HCFC2: variants seen among roughly 807,000 people sequenced by gnomAD.
The protein encoded by HCFC2 is host cell factor 2.
Under a neutral mutation model 89.2 loss-of-function variants are expected in HCFC2, and 18 were observed. The ratio of observed to expected loss-of-function variants is 0.20; its 90% CI spans 0.14 to 0.30. The LOEUF is 0.30. HCFC2 is among the 10% of genes least tolerant of loss of function. The pLI is 1.00. For missense variants in HCFC2, 578 were observed against 956.1 expected (o/e 0.60, Z 5.21); for synonymous variants, 308 against 335.7 (o/e 0.92, Z 0.90).
intron 3 of HCFC2, among the ~76,000 whole-genome samples, chr12:104,072,768 G>C (rs1472807565): frequency 2.0e-5 from 3 of 151,000 alleles, no homozygotes; most frequent in Non-Finnish European, 4.4e-5. Context: ...TCAGCCTCCC[G>C]AGTAGCTGGG....
At chr12:104,077,022 A>G (rs1251085112) in intron 3 of HCFC2, among the ~76,000 whole-genome samples, 1 of 152,012 alleles carries the variant, frequency 6.6e-6, no homozygotes, top group African/African-American at 2.4e-5. Context: ...CTGTGTGTAT[A>G]TATATATGTT....
chr12:104,086,043 GC>G (rs1883830055), intron 7 of HCFC2, among the ~76,000 whole-genome samples: 1 of 147,302 alleles, frequency 6.8e-6, no homozygotes, highest in South Asian at 2.2e-4. Flanking sequence ...TGCCGCCCAG[GC>G]TGGAGTGCAG....
At chr12:104,099,176 C>A (rs931768788) in intron 13 of HCFC2, among the ~76,000 whole-genome samples, 1 of 151,952 alleles carries the variant, frequency 6.6e-6, no homozygotes, top group Non-Finnish European at 1.5e-5. Flanking sequence ...AGGAGCAATG[C>A]GTGGAGTGGG....
chr12:104,087,352 TA>T (rs67436445), intron 8 of HCFC2, among the ~76,000 whole-genome samples: 105,917 of 129,034 alleles, frequency 0.82, 43,424 homozygotes, highest in South Asian at 0.86. Flanking sequence ...GACTCTGTCT[TA>T]AAAAAAAAAA....
In HCFC2 at chr12:104,086,989, T is replaced by G. The variant is rs1363149779; in HGVS notation, c.1206T>G (p.Asp402Glu). The G allele has an allele frequency of 4.3e-6, 7 of 1,613,764 alleles. No individual in the cohort carries two copies. The Admixed American group carries it at 1.0e-4, about 23-fold the overall frequency. The change falls in exon 8 of 15, where the codon GAT (aspartate) becomes GAG (glutamate). Residue 402 changes from aspartate (D) to glutamate (E), a missense_variant. Asp to Glu is a conservative substitution (Grantham distance 45). Transcript: ENST00000229330. ...TDLPYQAASS[D>E]SSAAPNMQGV... ...TGCCATACCAAGCTGCATCATCAGA[T>G]TCTTCAGCAGCACCAAATATGCAAG...
chr12:104,102,915 G>T, intron 14 of HCFC2, 44 bp from the exon 15 acceptor site: 1 of 1,487,688 alleles, frequency 6.7e-7, no homozygotes, highest in East Asian at 2.3e-5. Context: ...GATAACAGAG[G>T]AAACTTAAGA....
rs569215441 is a variant in HCFC2 at position 104,096,400 on chromosome 12, T to G, written c.1707T>G (p.Arg569=). The G allele has an allele frequency of 1.9e-6, 3 of 1,609,168 alleles. No individual in the cohort carries two copies. In the East Asian group the frequency reaches 6.7e-5, roughly 36 times the overall value. Residue 569 remains arginine (R), a synonymous_variant, in exon 12 of 15, where the codon CGT becomes CGG. Coordinates refer to ENST00000229330, the MANE Select transcript of HCFC2 (RefSeq NM_013320.3). ...TYALPATKIS[R]VETHATATPF... is the part of the protein sequence containing the mutation. ...CACTGCCTGCAACGAAGATCAGCCGTGTAGAGACACATGCTACAGCAACGC... is the reference window on the plus strand; with the variant it reads ...CACTGCCTGCAACGAAGATCAGCCGGGTAGAGACACATGCTACAGCAACGC...
In HCFC2 at chr12:104,085,920, AT is replaced by A. The variant is rs1237496666; in HGVS notation, c.1064-917del. Among the ~76,000 whole-genome samples the A allele has an allele frequency of 5.6e-5, 7 of 125,388 alleles. No individual in the cohort carries two copies. In the South Asian group the frequency reaches 7.7e-4, roughly 14 times the overall value. The allele number at this position is 125,388 out of a possible 152,430, so 82.3% of individuals were successfully genotyped here. A position where few individuals can be genotyped will look rare whatever the true frequency, so the allele number is the denominator to read the frequency against. On this transcript the variant is annotated intron_variant, in intron 7 of 14. Transcript: ENST00000229330. ...CATGCATATATTGTTACTTTGATGT[AT>A]TTTTTTTTTCATTTAGGCAATAATG... is the stretch of plus-strand genomic sequence containing the variant.
chr12:104,104,557 G>A lies in HCFC2; in HGVS notation c.*1284G>A, dbSNP rs186802610. On this transcript the variant is annotated 3_prime_UTR_variant, in exon 15 of 15. Transcript: ENST00000229330. ...CTTTTTTTATACCACATAACCTTAT[G>A]CCAGTTTAGGTTGACTGAGTAGCTA... 1.2e-4 allele frequency: 19 copies of A among 152,010 alleles called. No individual in the cohort carries two copies. In the East Asian group the frequency reaches 3.5e-3, roughly 28 times the overall value. 9.4% of individuals were successfully genotyped at this position (152,010 alleles called of 1,614,324 possible). A position where few individuals can be genotyped will look rare whatever the true frequency, so the allele number is the denominator to read the frequency against.
At chr12:104,076,976 T>C (rs946754858) in intron 3 of HCFC2, among the ~76,000 whole-genome samples, 1 of 152,172 alleles carries the variant, frequency 6.6e-6, no homozygotes, top group Non-Finnish European at 1.5e-5. Flanking sequence ...ATATGTGTGT[T>C]CGTGTACGTG....
intron 9 of HCFC2, among the ~76,000 whole-genome samples, chr12:104,088,766 T>C (rs1170566238): frequency 6.6e-6 from 1 of 152,132 alleles, no homozygotes; most frequent in Non-Finnish European, 1.5e-5. Flanking sequence ...GCTCATACAG[T>C]TTGTAAGTAG....
chr12:104,086,619 AAAATAAATAAATAAAT>A lies in HCFC2; in HGVS notation c.1064-206_1064-191del, dbSNP rs58372181. On this transcript the variant is annotated intron_variant, in intron 7 of 14. Transcript: ENST00000229330. ...TTGTTTATAGATATATTTGTCTAAG[AAAATAAATAAATAAAT>A]AAATAAATAAATAAATAAATAGAAT... is the stretch of plus-strand genomic sequence containing the variant. Among the ~76,000 whole-genome samples, 60 of 146,558 alleles carry A rather than the reference AAAATAAATAAATAAAT, an allele frequency of 4.1e-4. 1 individual carries two copies. The South Asian group carries it at 9.8e-3, about 24-fold the overall frequency.
At chr12:104,092,509 A>T (rs1884050307) in intron 9 of HCFC2, among the ~76,000 whole-genome samples, 1 of 151,578 alleles carries the variant, frequency 6.6e-6, no homozygotes, top group Non-Finnish European at 1.5e-5. Flanking sequence ...GCTGTGGCTC[A>T]CTCCTGTAAT....
chr12:104,089,387 G>T (rs371206228), intron 9 of HCFC2, among the ~76,000 whole-genome samples: 4 of 152,070 alleles, frequency 2.6e-5, no homozygotes, highest in African/African-American at 9.7e-5. Flanking sequence ...ATGGTGGCGG[G>T]TGCCTGTAGT....
In HCFC2 at chr12:104,103,058, C is replaced by A. The variant is rs1398547370; in HGVS notation, c.2164C>A (p.Gln722Lys). The A allele has an allele frequency of 2.5e-6, 4 of 1,613,950 alleles. No homozygotes were observed. Among genetic ancestry groups the A allele is most frequent in the Non-Finnish European group, 2.5e-6 (3 of 1,179,916 alleles). ...AYLAIRTAQI[Q>K]DNPSQLVFMR... ...CTTGGCTATCCGCACAGCACAGATA[C>A]AAGATAATCCAAGTCAACTTGTGTT... The change falls in exon 15 of 15, where the codon CAA becomes AAA. Residue 722 changes from glutamine to lysine, a missense_variant. Gln to Lys is a moderately conservative substitution (Grantham distance 53, BLOSUM62 1). Around this residue, in one of 4 missense-constraint regions of HCFC2, gnomAD observed 140 missense variants for 266.4 expected, o/e 0.53. Coordinates refer to ENST00000229330, the MANE Select transcript of HCFC2 (RefSeq NM_013320.3).
In HCFC2 at chr12:104,103,710, A is replaced by G. The variant is rs1426055023; in HGVS notation, c.*437A>G. 6.4e-6 allele frequency: 1 copy of G among 156,078 alleles called. No individual in the cohort carries two copies. Among genetic ancestry groups the G allele is most frequent in the Non-Finnish European group, 1.4e-5 (1 of 70,514 alleles). 9.7% of individuals were successfully genotyped at this position (156,078 alleles called of 1,614,324 possible). On this transcript the variant is annotated 3_prime_UTR_variant, in exon 15 of 15. Coordinates refer to ENST00000229330, the MANE Select transcript of HCFC2 (RefSeq NM_013320.3). Reference sequence around the variant, plus strand: ...AGTACTCCTTCTATCTTTATTCTATATGAGCAGTGTTCCTCTAACAACTGT... The same window carrying G: ...AGTACTCCTTCTATCTTTATTCTATGTGAGCAGTGTTCCTCTAACAACTGT...
chr12:104,092,044 C>CA (rs1218213561), intron 9 of HCFC2, among the ~76,000 whole-genome samples: 5 of 151,988 alleles, frequency 3.3e-5, no homozygotes, highest in Non-Finnish European at 5.9e-5. Flanking sequence ...AGAACAGTAA[C>CA]AAAAAACAGG....
intron 7 of HCFC2, among the ~76,000 whole-genome samples, chr12:104,084,335 GT>G (rs1335492130): frequency 6.6e-6 from 1 of 152,142 alleles, no homozygotes; most frequent in South Asian, 2.1e-4. Context: ...CTGCTTCAGG[GT>G]GGGTAGTCAA....
Position 104,102,973 on chromosome 12 carries a change from C to G in HCFC2, c.2079C>G (p.Ile693Met). The G allele has an allele frequency of 6.3e-7, 1 of 1,596,386 alleles. No homozygotes were observed. Among genetic ancestry groups the G allele is most frequent in the Non-Finnish European group, 8.6e-7 (1 of 1,169,328 alleles). The change falls in exon 15 of 15, where the codon ATC becomes ATG. Residue 693 changes from isoleucine (I) to methionine (M), a missense_variant. Coordinates refer to ENST00000229330, the MANE Select transcript of HCFC2 (RefSeq NM_013320.3). Reference protein sequence around the residue: ...AVRISKNVEGIHLSWEPPTSP... With the variant: ...AVRISKNVEGMHLSWEPPTSP... ...CCCCCTTCAAGAATGTTGAAGGTAT[C>G]CACCTTTCCTGGGAACCTCCAACCT...
Sources: gnomAD v4.1 joint callset for allele counts (sites outside exome capture counted in the v4.1 genomes callset) on GRCh38, gnomAD v4.1.1 for gene constraint, gnomAD v4.1.1 regional missense constraint, MANE v1.5 for transcripts, NCBI Gene and HGNC (gene_info 2026-07-23, HGNC 2026-07-21) for gene names.